Variants in SLC39A11 observed in about 807,000 individuals in gnomAD.
The protein encoded by SLC39A11 is zinc transporter ZIP11.
In SLC39A11, 33 loss-of-function variants were observed where a neutral mutation model predicts 36.1. The ratio of observed to expected loss-of-function variants is 0.91; its 90% CI spans 0.69 to 1.22. The LOEUF (loss-of-function observed/expected upper bound fraction) is 1.22. Among genes scored for constraint, SLC39A11 ranks in the 50% most tolerant of loss-of-function variants. The pLI is 0.00. For synonymous variants in SLC39A11, 166 were observed against 170.3 expected, an observed-to-expected ratio of 0.97 and a Z score of 0.20; for missense variants, 432 against 430.3, an observed-to-expected ratio of 1.00 and a Z score of -0.03.
chr17:72,962,284 C>T (rs74348594), intron 4 of SLC39A11, among the ~76,000 whole-genome samples: 7,042 of 152,254 alleles, frequency 0.046, 189 homozygotes, highest in Non-Finnish European at 0.061. Context: ...TTTTCACCAC[C>T]GTTTCCATGG....
chr17:72,662,362 G>T (rs1032063637), intron 7 of SLC39A11, among the ~76,000 whole-genome samples: 3 of 143,606 alleles, frequency 2.1e-5, no homozygotes, highest in Non-Finnish European at 4.5e-5. Flanking sequence ...AGAAAGAAAA[G>T]GAAGGGAAGG....
At chr17:72,864,745 C>T (rs143657664) in intron 5 of SLC39A11, among the ~76,000 whole-genome samples, 9 of 152,312 alleles carry the variant, frequency 5.9e-5, no homozygotes, top group African/African-American at 1.9e-4. Flanking sequence ...GAAGTCCTAA[C>T]CCGCTGCTCC....
chr17:72,686,021 G>T (rs1363123004), intron 7 of SLC39A11, among the ~76,000 whole-genome samples: 1 of 149,888 alleles, frequency 6.7e-6, no homozygotes, highest in Non-Finnish European at 1.5e-5. Context: ...AGGTGACTGA[G>T]ACTCTGTCTT....
At chr17:72,795,156 C>A (rs970398157) in intron 6 of SLC39A11, among the ~76,000 whole-genome samples, 12 of 152,090 alleles carry the variant, frequency 7.9e-5, no homozygotes. Flanking sequence ...TACCAATAAT[C>A]CTGTATGGTC....
At chr17:72,840,968 T>C (rs2078780030) in intron 6 of SLC39A11, among the ~76,000 whole-genome samples, 1 of 147,772 alleles carries the variant, frequency 6.8e-6, no homozygotes, top group African/African-American at 2.5e-5. Context: ...GGCAGGAGAA[T>C]GGTGTGAACC....
intron 6 of SLC39A11, among the ~76,000 whole-genome samples, chr17:72,806,031 G>T (rs1345725834): frequency 6.6e-6 from 1 of 152,156 alleles, no homozygotes; most frequent in South Asian, 2.1e-4. Context: ...GGGATTACAC[G>T]TGTGAGCCAC....
intron 4 of SLC39A11, among the ~76,000 whole-genome samples, chr17:72,966,934 G>C (rs1367846292): frequency 1.3e-5 from 2 of 152,192 alleles, no homozygotes; most frequent in African/African-American, 4.8e-5. Flanking sequence ...CCTCCTGTCA[G>C]ATCAGCAGCG....
intron 7 of SLC39A11, among the ~76,000 whole-genome samples, chr17:72,664,470 G>T (rs1029653259): frequency 1.3e-5 from 2 of 152,152 alleles, no homozygotes; most frequent in African/African-American, 4.8e-5. Context: ...TATGCAATTT[G>T]CCAGGGAAAC....
At position 72,742,835 on chromosome 17, in the gene SLC39A11, T is replaced by C. The variant is rs1158215135; in HGVS notation, c.602-6116A>G. Among the ~76,000 whole-genome samples, 3 of 152,240 alleles carry C rather than the reference T, an allele frequency of 2.0e-5. No individual in the cohort carries two copies. In the East Asian group the frequency reaches 5.8e-4, roughly 29 times the overall value. ...CCAAATAAGATCCTACAGGTTCTGC[T>C]GATTCTCCCATTGAGTGGCAGGGCT... On this transcript the variant is annotated intron_variant, in intron 6 of 9. Coordinates refer to ENST00000255559, the MANE Select transcript of SLC39A11 (RefSeq NM_139177.4).
At chr17:72,953,060 C>T (rs2085980057) in intron 4 of SLC39A11, among the ~76,000 whole-genome samples, 1 of 152,156 alleles carries the variant, frequency 6.6e-6, no homozygotes, top group Admixed American at 6.5e-5. Context: ...CCCTGTCCTT[C>T]TTCCCGCATC....
intron 4 of SLC39A11, among the ~76,000 whole-genome samples, chr17:73,001,899 A>C (rs931991520): frequency 6.6e-6 from 1 of 152,154 alleles, no homozygotes; most frequent in Non-Finnish European, 1.5e-5. Context: ...AAAAATAATA[A>C]GTTTTCTGAG....
chr17:72,731,677 G>T (rs2074222605), intron 7 of SLC39A11, among the ~76,000 whole-genome samples: 1 of 151,938 alleles, frequency 6.6e-6, no homozygotes, highest in Admixed American at 6.6e-5. Flanking sequence ...TGGAACATTT[G>T]TTACAACTAA....
chr17:73,070,939 C>G (rs920635353), intron 3 of SLC39A11, among the ~76,000 whole-genome samples: 2 of 152,168 alleles, frequency 1.3e-5, no homozygotes, highest in Admixed American at 6.5e-5. Context: ...TTATCAGCAG[C>G]ATGAAAATGA....
chr17:73,026,314 A>G (rs565373865), intron 4 of SLC39A11, among the ~76,000 whole-genome samples: 57 of 152,164 alleles, frequency 3.7e-4, no homozygotes, highest in Admixed American at 3.3e-3. Flanking sequence ...ACCTGAGGTC[A>G]GGAGTTCGAG....
At chr17:73,017,715 AAAAT>A (rs2058214638) in intron 4 of SLC39A11, among the ~76,000 whole-genome samples, 1 of 152,214 alleles carries the variant, frequency 6.6e-6, no homozygotes, top group Admixed American at 6.5e-5. Flanking sequence ...TCTCAAAAAT[AAAAT>A]AAATAAAAAC....
intron 5 of SLC39A11, among the ~76,000 whole-genome samples, chr17:72,867,149 G>C (rs78426736): frequency 2.0e-5 from 3 of 152,214 alleles, no homozygotes; most frequent in African/African-American, 7.2e-5. Flanking sequence ...AGGGAGGAGG[G>C]GAGAGATGCA....
chr17:72,847,232 G>A (rs189301332), intron 6 of SLC39A11, among the ~76,000 whole-genome samples: 52 of 152,078 alleles, frequency 3.4e-4, no homozygotes, highest in African/African-American at 1.1e-3. Flanking sequence ...GTGAAACCCC[G>A]TCTCTTCGAA....
intron 3 of SLC39A11, among the ~76,000 whole-genome samples, chr17:73,073,068 T>C (rs536247840): frequency 1.3e-5 from 2 of 152,132 alleles, no homozygotes; most frequent in Non-Finnish European, 2.9e-5. Flanking sequence ...TAAGCCCAGC[T>C]ACTCGGGAGG....
At chr17:73,025,632 A>G (rs1186013484) in intron 4 of SLC39A11, among the ~76,000 whole-genome samples, 1 of 152,204 alleles carries the variant, frequency 6.6e-6, no homozygotes, top group Non-Finnish European at 1.5e-5. Flanking sequence ...CCAACTGTGT[A>G]AAAATGTATG....
Sources: gnomAD v4.1 joint callset for allele counts (sites outside exome capture counted in the v4.1 genomes callset) on GRCh38, gnomAD v4.1.1 for gene constraint, MANE v1.5 for transcripts, NCBI Gene and HGNC (gene_info 2026-07-23, HGNC 2026-07-21) for gene names.